Variants in OGT observed in about 807,000 individuals in gnomAD.
OGT encodes UDP-N-acetylglucosamine--peptide N-acetylglucosaminyltransferase 110 kDa subunit.
Under a neutral mutation model 75.8 loss-of-function variants are expected in OGT, and 3 were observed. The ratio of observed to expected loss-of-function variants is 0.04; its 90% CI spans 0.02 to 0.10. OGT has a LOEUF of 0.10. Ranked by LOEUF, OGT falls within the 10% of genes least tolerant of loss-of-function variation. The pLI, the probability that OGT is intolerant of heterozygous loss-of-function variation, is 1.00. For synonymous variants in OGT, 257 were observed against 289.7 expected, an observed-to-expected ratio of 0.89 and a Z score of 1.15; for missense variants, 260 against 824.4, an observed-to-expected ratio of 0.32 and a Z score of 8.38.
intron 19 of OGT, among the ~76,000 whole-genome samples, chrX:71,566,395 G>A (rs966844340): frequency 8.9e-6 from 1 of 111,856 alleles, no homozygotes; most frequent in African/African-American, 3.2e-5. Flanking sequence ...ACAGTTCCGC[G>A]TGGCTATGGA....
At chrX:71,567,436 T>A in intron 19 of OGT, 64 bp from the exon 20 acceptor site, 1 of 972,164 alleles carries the variant, frequency 1.0e-6, no homozygotes, top group Non-Finnish European at 1.4e-6. Context: ...TAGAGACCTC[T>A]GGGAGTCTTT....
At chrX:71,546,710 G>C in intron 4 of OGT, 2 of 751,399 alleles carry the variant, frequency 2.7e-6, no homozygotes, top group Non-Finnish European at 3.1e-6. Flanking sequence ...AACTCTTCTT[G>C]TTGTTCATTT....
At position 71,573,783 on chromosome X, in the gene OGT, G is replaced by C. The variant is rs1279499626; in HGVS notation, c.3130G>C (p.Glu1044Gln). The change falls in exon 22 of 22, where the codon GAG (glutamate) becomes CAG (glutamine). Residue 1044 changes from glutamate to glutamine, a missense_variant. Physicochemically the swap from Glu to Gln is conservative, Grantham distance 29. Coordinates refer to ENST00000373719, the MANE Select transcript of OGT (RefSeq NM_181672.3). ...DHMIKPVEVTESA is the reference protein window; with the variant it reads ...DHMIKPVEVTQSA ...CATGATTAAGCCTGTTGAAGTCACT[G>C]AGTCAGCATAAATAAAGACTGCACA... 2.5e-6 allele frequency: 3 copies of C among 1,196,250 alleles called. No individual in the cohort carries two copies. The highest frequency in any genetic ancestry group is 3.4e-6 in the Non-Finnish European group (3 of 888,677).
chrX:71,547,271 A>G, intron 4 of OGT: 2 of 752,983 alleles, frequency 2.7e-6, no homozygotes, highest in Non-Finnish European at 3.1e-6. Flanking sequence ...GTTAGTGAGG[A>G]ACATTGTTGA....
chrX:71,570,161 C>T, intron 21 of OGT, among the ~76,000 whole-genome samples: 1 of 106,164 alleles, frequency 9.4e-6, no homozygotes, highest in Non-Finnish European at 1.9e-5. Flanking sequence ...CTGCCTCAGC[C>T]TCCTGAGTAG....
At chrX:71,536,004 A>G (rs973847137) in intron 1 of OGT, among the ~76,000 whole-genome samples, 174 bp from the exon 2 acceptor site, 2 of 112,543 alleles carry the variant, frequency 1.8e-5, no homozygotes, top group African/African-American at 3.2e-5. Flanking sequence ...CCAATTCTGC[A>G]CTTGATGTTA....
At chrX:71,540,847 T>C (rs1321275961) in intron 3 of OGT, among the ~76,000 whole-genome samples, 1 of 110,932 alleles carries the variant, frequency 9.0e-6, no homozygotes, top group Non-Finnish European at 1.9e-5. Flanking sequence ...TAATTTTTTG[T>C]ATTTTTACAA....
intron 3 of OGT, among the ~76,000 whole-genome samples, chrX:71,544,078 G>A (rs893667243): frequency 8.2e-5 from 9 of 110,174 alleles, no homozygotes; most frequent in African/African-American, 2.0e-4. Flanking sequence ...GAGCCACCAC[G>A]CCCGGCCTGA....
In OGT at chrX:71,560,294, AG is replaced by A. The variant is rs777921495; in HGVS notation, c.1851+618del. ...CTGTCTCAAAAAAAAAAAAAAAAAA[AG>A]AAAAAATAGATGAACTATGGTTCAT... On this transcript the variant is annotated intron_variant, in intron 14 of 21. Coordinates refer to ENST00000373719, the MANE Select transcript of OGT (RefSeq NM_181672.3). 6.2e-4 allele frequency among the ~76,000 whole-genome samples: 67 copies of A among 108,281 alleles called. 1 individual carries two copies. The highest frequency in any genetic ancestry group is 2.2e-3 in the African/African-American group (65 of 29,978). 94.0% of individuals were successfully genotyped at this position (108,281 alleles called of 115,157 possible).
chrX:71,561,008 A>G (rs1475699633), intron 14 of OGT, among the ~76,000 whole-genome samples: 1 of 109,523 alleles, frequency 9.1e-6, no homozygotes, highest in Non-Finnish European at 1.9e-5. Context: ...GCTCACTGCA[A>G]TCTTTGCCTC....
At chrX:71,552,979 A>G (rs945348320) in intron 5 of OGT, among the ~76,000 whole-genome samples, 4 of 112,325 alleles carry the variant, frequency 3.6e-5, no homozygotes, top group East Asian at 2.8e-4. Flanking sequence ...AAACATTTCT[A>G]TTATAAAGTT....
intron 21 of OGT, among the ~76,000 whole-genome samples, chrX:71,569,472 A>G (rs2040439005): frequency 8.9e-6 from 1 of 111,736 alleles, no homozygotes; most frequent in Admixed American, 9.5e-5. Context: ...TTATCCATAC[A>G]ATAAACTAGT....
chrX:71,535,636 A>G (rs1253376132), intron 1 of OGT, among the ~76,000 whole-genome samples: 4 of 111,902 alleles, frequency 3.6e-5, no homozygotes, highest in Non-Finnish European at 5.6e-5. Context: ...ACAAAAATTG[A>G]TATAATTTAA....
At chrX:71,559,016 C>T (rs1271290019) in intron 12 of OGT, among the ~76,000 whole-genome samples, 1 of 103,780 alleles carries the variant, frequency 9.6e-6, no homozygotes, top group East Asian at 3.0e-4. Flanking sequence ...CTCCTGACCT[C>T]AAGCGATCCA....
At chrX:71,547,813 C>T in intron 4 of OGT, 94 bp from the exon 5 acceptor site, 1 of 1,090,953 alleles carries the variant, frequency 9.2e-7, no homozygotes, top group South Asian at 2.1e-5. Flanking sequence ...CTTCTTCCCC[C>T]CCTCCCCCCA....
chrX:71,545,761 T>TAATTGATTTCAATCTTAGC (rs764206200), intron 4 of OGT: 1 of 112,925 alleles, frequency 8.9e-6, no homozygotes, highest in African/African-American at 3.2e-5. Context: ...TAATGAATTG[T>TAATTGATTTCAATCTTAGC]AATTGATTTC....
chrX:71,542,984 C>T (rs1361427658), intron 3 of OGT, among the ~76,000 whole-genome samples: 2 of 111,273 alleles, frequency 1.8e-5, no homozygotes, highest in Non-Finnish European at 3.8e-5. Flanking sequence ...TCTAGAACAT[C>T]AGTCATTGCT....
At chrX:71,563,846 A>G (rs1317293884) in intron 18 of OGT, among the ~76,000 whole-genome samples, 3 of 112,036 alleles carry the variant, frequency 2.7e-5, no homozygotes, top group African/African-American at 9.7e-5. Flanking sequence ...TTCAGTTCAG[A>G]CAGCTCTTCC....
intron 14 of OGT, 120 bp from the exon 15 acceptor site, chrX:71,561,655 C>G: frequency 1.8e-6 from 1 of 543,214 alleles, no homozygotes; most frequent in South Asian, 5.5e-5. Context: ...TACCTCTTTT[C>G]CATCTGGGAA....
Sources: allele counts gnomAD v4.1 joint callset (sites outside exome capture counted in the v4.1 genomes callset), GRCh38; gene constraint gnomAD v4.1.1; transcripts MANE v1.5; gene names NCBI Gene and HGNC (gene_info 2026-07-23, HGNC 2026-07-21).